Variants in DPP6 observed in about 807,000 individuals in gnomAD.
The protein encoded by DPP6 is dipeptidyl peptidase like 6.
In DPP6, 69 loss-of-function variants were observed where a neutral mutation model predicts 122.6. That is an observed-to-expected ratio of 0.56 (90% CI 0.46 to 0.69). The LOEUF is 0.69. Ranked by LOEUF, DPP6 falls within the 30% of genes least tolerant of loss-of-function variation. The pLI, the probability that DPP6 is intolerant of heterozygous loss-of-function variation, is 0.00. For synonymous variants in DPP6, 418 were observed against 433.1 expected, an observed-to-expected ratio of 0.97 and a Z score of 0.43; for missense variants, 928 against 1,116.9, an observed-to-expected ratio of 0.83 and a Z score of 2.41.
chr7:154,517,663 G>A (rs905393908), intron 3 of DPP6, among the ~76,000 whole-genome samples: 6 of 152,086 alleles, frequency 3.9e-5, no homozygotes, highest in African/African-American at 1.4e-4. Flanking sequence ...AATTTACTTT[G>A]TAATTCTGTG....
intron 1 of DPP6, among the ~76,000 whole-genome samples, chr7:154,138,871 C>T (rs1410761044): frequency 1.3e-5 from 2 of 152,172 alleles, no homozygotes; most frequent in Non-Finnish European, 2.9e-5. Context: ...CTTCCTGGTA[C>T]TTAGCATCTG....
rs146824463 is a variant in DPP6 at position 154,814,424 on chromosome 7, A to G, written c.1666+7312A>G. Among the ~76,000 whole-genome samples the G allele has an allele frequency of 3.0e-3, 459 of 152,284 alleles. 1 individual carries two copies. The highest frequency in any genetic ancestry group is 0.01 in the African/African-American group (428 of 41,556). On this transcript the variant is annotated intron_variant, in intron 16 of 25. Coordinates refer to ENST00000377770, the MANE Select transcript of DPP6 (RefSeq NM_130797.4). ...AGGGATGAATGAGAAGTCAGAGAAC[A>G]TGAAAGTGGCTGTGTATTCACCCGC... is the stretch of plus-strand genomic sequence containing the variant.
chr7:153,977,087 CAG>C (rs1796344068), intron 1 of DPP6, among the ~76,000 whole-genome samples: 1 of 152,190 alleles, frequency 6.6e-6, no homozygotes, highest in African/African-American at 2.4e-5. Flanking sequence ...GCCTTAAATA[CAG>C]AAATCTTCAT....
At position 154,443,505 on chromosome 7, in the gene DPP6, TACATGGATGG is replaced by T. The variant is rs1442942426; in HGVS notation, c.244-2707_244-2698del. Among the ~76,000 whole-genome samples, 499 of 90,094 alleles carry T rather than the reference TACATGGATGG, an allele frequency of 5.5e-3. 7 individuals are homozygous for T. The highest frequency in any genetic ancestry group is 0.018 in the African/African-American group (408 of 22,252). The allele number at this position is 90,094 out of a possible 152,430, so 59.1% of individuals were successfully genotyped here. A position where few individuals can be genotyped will look rare whatever the true frequency, so the allele number is the denominator to read the frequency against. On this transcript the variant is annotated intron_variant, in intron 1 of 25. Transcript: ENST00000377770. ...GGATGGATGGATGTGGATTGACAGA[TACATGGATGG>T]ATGGATGGATGGATGGATGGATGGA...
At chr7:154,215,152 G>A (rs1799933448) in intron 1 of DPP6, among the ~76,000 whole-genome samples, 1 of 152,190 alleles carries the variant, frequency 6.6e-6, no homozygotes, top group Non-Finnish European at 1.5e-5. Flanking sequence ...TCTCAGGAAA[G>A]TTACAGTGAT....
At position 154,566,911 on chromosome 7, in the gene DPP6, G is replaced by C. The variant is rs1830791134; in HGVS notation, c.622G>C (p.Glu208Gln). The C allele has an allele frequency of 3.7e-6, 6 of 1,600,520 alleles. No individual in the cohort carries two copies. Among genetic ancestry groups the C allele is most frequent in the Non-Finnish European group, 4.3e-6 (5 of 1,168,998 alleles). The stretch of plus-strand genomic sequence containing the variant: ...GTATGCACTTTTTTCATACAATGTG[G>C]AACCCGTGAGTATTATCCTTTACTG... ...REYALFSYNV[E>Q]PIYQHSYTGY... is the part of the protein sequence containing the mutation. The change falls in exon 5 of 26, where the codon GAA (glutamate) becomes CAA (glutamine). Residue 208 changes from glutamate (E) to glutamine (Q), a missense_variant. Transcript: ENST00000377770.
At chr7:154,062,994 C>T (rs1478475797) in intron 1 of DPP6, among the ~76,000 whole-genome samples, 4 of 134,566 alleles carry the variant, frequency 3.0e-5, no homozygotes, top group Non-Finnish European at 6.5e-5. Flanking sequence ...TACTGAGAGC[C>T]AGTCCCTCTT....
At position 154,644,861 on chromosome 7, in the gene DPP6, G is replaced by A. The variant is rs576287160; in HGVS notation, c.680+6988G>A. 9.2e-5 allele frequency among the ~76,000 whole-genome samples: 14 copies of A among 151,990 alleles called. No individual in the cohort carries two copies. The South Asian group carries it at 1.7e-3, about 18-fold the overall frequency. The stretch of plus-strand genomic sequence containing the variant: ...GTAGGTGTGACTGCAGGTGCACACC[G>A]CCATGCCTGGCTAATTTCTTTTGCA... On this transcript the variant is annotated intron_variant, in intron 6 of 25. Coordinates refer to ENST00000377770, the MANE Select transcript of DPP6 (RefSeq NM_130797.4).
intron 1 of DPP6, among the ~76,000 whole-genome samples, chr7:154,027,791 A>G (rs1400662323): frequency 6.6e-6 from 1 of 151,590 alleles, no homozygotes; most frequent in African/African-American, 2.4e-5. Flanking sequence ...CAAATGATAA[A>G]TTCCTCTCCC....
chr7:154,462,063 T>G (rs2151319107), intron 2 of DPP6, among the ~76,000 whole-genome samples: 1 of 152,326 alleles, frequency 6.6e-6, no homozygotes, highest in South Asian at 2.1e-4. Context: ...GGGTCTAGTT[T>G]TATTCTCCTG....
the DPP6 span, among the ~76,000 whole-genome samples, chr7:153,760,286 T>C: frequency 2.0e-5 from 3 of 152,222 alleles, no homozygotes; most frequent in African/African-American, 4.8e-5. Flanking sequence ...CATGTCTTCA[T>C]TGAACATTTT....
chr7:153,807,100 A>G, the DPP6 span, among the ~76,000 whole-genome samples: 1 of 152,046 alleles, frequency 6.6e-6, no homozygotes, highest in African/African-American at 2.4e-5. Context: ...ATTCTGTTAG[A>G]GATTAGAATG....
chr7:153,916,237 T>G (rs897340954), intron 1 of DPP6, among the ~76,000 whole-genome samples: 1 of 152,060 alleles, frequency 6.6e-6, no homozygotes, highest in Non-Finnish European at 1.5e-5. Context: ...CCTCACAAAG[T>G]GCTGGGATTA....
chr7:153,784,000 G>A, the DPP6 span, among the ~76,000 whole-genome samples: 7 of 152,228 alleles, frequency 4.6e-5, no homozygotes, highest in African/African-American at 1.7e-4. Flanking sequence ...CATAATGTGT[G>A]TGTTAGCCCC....
intron 1 of DPP6, among the ~76,000 whole-genome samples, chr7:154,361,673 A>G (rs1445408485): frequency 6.6e-6 from 1 of 152,064 alleles, no homozygotes; most frequent in Non-Finnish European, 1.5e-5. Flanking sequence ...TTGAAGCAGC[A>G]ATGAATAGGT....
At position 154,892,920 on chromosome 7, in the gene DPP6, G is replaced by C. The variant is rs201674422; in HGVS notation, c.*440G>C. ...TGTCTCACGTCGCAGTGCCATGGACGCAGCAGTTACAGCACCATTGTTTTA... is the reference window on the plus strand; with the variant it reads ...TGTCTCACGTCGCAGTGCCATGGACCCAGCAGTTACAGCACCATTGTTTTA... On this transcript the variant is annotated 3_prime_UTR_variant, in exon 26 of 26. Coordinates refer to ENST00000377770, the MANE Select transcript of DPP6 (RefSeq NM_130797.4). 9.6e-6 allele frequency: 5 copies of C among 523,012 alleles called. No individual in the cohort carries two copies. Among genetic ancestry groups the C allele is most frequent in the Admixed American group, 7.7e-5 (4 of 51,684 alleles). 32.4% of individuals were successfully genotyped at this position (523,012 alleles called of 1,614,324 possible).
At chr7:154,873,946 GCACA>G (rs1364640442) in intron 19 of DPP6, among the ~76,000 whole-genome samples, 4 of 131,010 alleles carry the variant, frequency 3.1e-5, no homozygotes, top group East Asian at 3.3e-4. Context: ...GTGCACACAT[GCACA>G]CACACACGCA....
In DPP6 at chr7:154,609,107, A is replaced by G. The variant is rs574275282; in HGVS notation, c.628-28714A>G. Among the ~76,000 whole-genome samples the G allele has an allele frequency of 5.3e-5, 8 of 152,364 alleles. No homozygotes were observed. The East Asian group carries it at 1.5e-3, about 29-fold the overall frequency. On this transcript the variant is annotated intron_variant, in intron 5 of 25. Coordinates refer to ENST00000377770, the MANE Select transcript of DPP6 (RefSeq NM_130797.4). The stretch of plus-strand genomic sequence containing the variant: ...GCTGCCCAGACTTTCGCCAAAACTC[A>G]AATGTTCTCATCGTGAATTTATCTT...
chr7:154,455,983 C>T (rs1263609195), intron 2 of DPP6, among the ~76,000 whole-genome samples: 5 of 152,144 alleles, frequency 3.3e-5, no homozygotes, highest in Non-Finnish European at 2.9e-5. Context: ...TTACAAGCAG[C>T]TGGCTCCTAT....
Sources: allele counts gnomAD v4.1 joint callset (sites outside exome capture counted in the v4.1 genomes callset), GRCh38; gene constraint gnomAD v4.1.1; transcripts MANE v1.5; gene names NCBI Gene and HGNC (gene_info 2026-07-23, HGNC 2026-07-21).